Variants in EP400 observed in about 807,000 individuals in gnomAD.
EP400 encodes the protein E1A binding protein p400.
A neutral mutation model predicts 354.1 loss-of-function variants in EP400; 105 were observed. That is an observed-to-expected ratio of 0.30 (90% CI 0.25 to 0.35). EP400 has a LOEUF of 0.35. EP400 is among the 10% of genes least tolerant of loss of function. The pLI is 1.00. For synonymous variants in EP400, 1,646 were observed against 1,716.9 expected (o/e 0.96, Z 1.02); for missense variants, 3,280 against 4,121.0 (o/e 0.80, Z 5.59).
chr12:132,006,046 A>G (rs966667852), intron 13 of EP400, 66 bp from the exon 14 acceptor site: 6 of 1,480,610 alleles, frequency 4.1e-6, no homozygotes, highest in Non-Finnish European at 5.5e-6. Flanking sequence ...TCCTGTTTTA[A>G]AAAAAGGTTT....
chr12:132,005,995 C>T, intron 13 of EP400, 117 bp from the exon 14 acceptor site: 1 of 938,416 alleles, frequency 1.1e-6, no homozygotes, highest in South Asian at 1.9e-5. Flanking sequence ...AAAATTATTG[C>T]CTAATTCAGT....
intron 51 of EP400, among the ~76,000 whole-genome samples, chr12:132,072,703 G>A (rs1446347776): frequency 6.6e-6 from 1 of 152,164 alleles, no homozygotes; most frequent in Non-Finnish European, 1.5e-5. Context: ...GGTCTTCTGT[G>A]TGTCCTGCCA....
chr12:131,986,485 C>T, intron 5 of EP400, 29 bp from the exon 6 acceptor site: 1 of 1,559,004 alleles, frequency 6.4e-7, no homozygotes, highest in East Asian at 2.3e-5. Context: ...TTTTCTTCAC[C>T]TTGCTCCACT....
At chr12:132,037,575 C>T (rs1315081305) in intron 30 of EP400, 107 bp from the exon 31 acceptor site, 2 of 847,994 alleles carry the variant, frequency 2.4e-6, no homozygotes, top group African/African-American at 1.7e-5. Context: ...GCAGGGGTAG[C>T]TGGAGGAGGG....
In EP400 at chr12:132,027,814, C is replaced by T. The variant is rs1385053077; in HGVS notation, c.5110-203C>T. Among the ~76,000 whole-genome samples the T allele has an allele frequency of 6.6e-6, 1 of 152,172 alleles. No individual in the cohort carries two copies. The highest frequency in any genetic ancestry group is 2.4e-5 in the African/African-American group (1 of 41,434). On this transcript the variant is annotated intron_variant, in intron 26 of 52. Transcript: ENST00000389561. This position sits in a 1 kb window ranked among gnomAD's most constrained non-coding sequence, Gnocchi z 4.9. Reference sequence around the variant, plus strand: ...CTTCCCATCTTGGCAAAGAAGAGAACGCTTGTGCTCTCGGCTTCATTTCCA... The same window carrying T: ...CTTCCCATCTTGGCAAAGAAGAGAATGCTTGTGCTCTCGGCTTCATTTCCA...
intron 7 of EP400, 116 bp downstream of exon 7, chr12:131,988,006 T>TTTC (rs981802075): frequency 8.8e-6 from 8 of 911,422 alleles, no homozygotes; most frequent in Non-Finnish European, 1.2e-5. Context: ...TTTTTTTTTT[T>TTTC]TTCCCCCAGA....
rs149663682 is a variant in EP400, at chr12:131,960,991, G to T, written c.372G>T (p.Thr124=). 2.5e-6 allele frequency: 4 copies of T among 1,605,212 alleles called. No individual in the cohort carries two copies. In the South Asian group the frequency reaches 4.4e-5, roughly 18 times the overall value. Residue 124 remains threonine (T), a synonymous_variant, in exon 2 of 53, where the codon ACG becomes ACT. Coordinates refer to ENST00000389561, the MANE Select transcript of EP400 (RefSeq NM_015409.5). ...GGTCTCCATCATACATTCAGGTCAC[G>T]TCCCCCTTGTCCCAGCAGGTCCAGA... ...EHGSPSYIQV[T]SPLSQQVQTQ... is the part of the protein sequence containing the mutation.
chr12:132,039,808 G>A (rs1186791209), intron 32 of EP400, among the ~76,000 whole-genome samples: 1 of 152,260 alleles, frequency 6.6e-6, no homozygotes, highest in East Asian at 1.9e-4. Flanking sequence ...GGAAGCCGAG[G>A]CTGGAGGATG....
At chr12:131,975,866 A>T (rs1892455795) in intron 2 of EP400, among the ~76,000 whole-genome samples, 1 of 151,944 alleles carries the variant, frequency 6.6e-6, no homozygotes, top group Admixed American at 6.6e-5. Flanking sequence ...TCAATTTAAA[A>T]TTTTTTGTTT....
At chr12:132,041,404 C>T (rs1214971948) in intron 32 of EP400, among the ~76,000 whole-genome samples, 2 of 152,244 alleles carry the variant, frequency 1.3e-5, no homozygotes, top group African/African-American at 2.4e-5. Flanking sequence ...GAAGGCCTGT[C>T]CCCCAGCGGT....
In EP400 at chr12:132,050,248, A is replaced by G. The variant is rs1438418866; in HGVS notation, c.7201-75A>G. On this transcript the variant is annotated intron_variant, in intron 39 of 52. Transcript: ENST00000389561. The surrounding 1 kb of genome is among the most constrained non-coding windows in gnomAD (Gnocchi z 4.8). ...GGAGTTTAGCCTCAGATTCCCACCCAGTGAGCCCTGTGTCCCACGCAGCCG... is the reference window on the plus strand; with the variant it reads ...GGAGTTTAGCCTCAGATTCCCACCCGGTGAGCCCTGTGTCCCACGCAGCCG... The G allele has an allele frequency of 4.5e-6, 7 of 1,560,242 alleles. No homozygotes were observed. Among genetic ancestry groups the G allele is most frequent in the Non-Finnish European group, 6.1e-6 (7 of 1,146,192 alleles).
At chr12:132,024,739 G>A (rs1004857308) in intron 24 of EP400, among the ~76,000 whole-genome samples, 7 of 113,674 alleles carry the variant, frequency 6.2e-5, no homozygotes, top group Non-Finnish European at 1.1e-4. Context: ...CACCTTCCTC[G>A]ACAGCAGCCT....
chr12:132,026,306 G>A (rs982595415), intron 25 of EP400, among the ~76,000 whole-genome samples: 2 of 152,192 alleles, frequency 1.3e-5, no homozygotes, highest in African/African-American at 4.8e-5. Flanking sequence ...CCAGAGACCC[G>A]TGGAGGCAGG....
chr12:132,010,410 G>T (rs946069932), intron 15 of EP400, among the ~76,000 whole-genome samples: 3 of 152,024 alleles, frequency 2.0e-5, no homozygotes, highest in African/African-American at 7.2e-5. Context: ...AGAGTTTATT[G>T]TCCTGTTATA....
At chr12:132,020,702 T>C (rs1217077298) in intron 22 of EP400, among the ~76,000 whole-genome samples, 1 of 152,210 alleles carries the variant, frequency 6.6e-6, no homozygotes, top group East Asian at 1.9e-4. Flanking sequence ...AAATAAATGC[T>C]CAGACCTGCA....
intron 5 of EP400, among the ~76,000 whole-genome samples, chr12:131,983,875 C>T (rs1215125504): frequency 3.3e-5 from 5 of 151,690 alleles, no homozygotes; most frequent in Admixed American, 2.0e-4. Context: ...GATGGGATTT[C>T]GCCATGCTGC....
rs774921042 is a variant in EP400 at position 132,008,919 on chromosome 12, C to CTTTTT, written c.3304+2061_3304+2065dup. Among the ~76,000 whole-genome samples the CTTTTT allele has an allele frequency of 1.3e-4, 15 of 114,738 alleles. 2 individuals carry two copies. The highest frequency in any genetic ancestry group is 4.7e-4 in the African/African-American group (14 of 29,628). The allele number at this position is 114,738 out of a possible 152,430, so 75.3% of individuals were successfully genotyped here. Reference sequence around the variant, plus strand: ...ACAGGCGTGAGACACCGTGCCCAGCCTTTTTTTTTTTTTTTTTTTTTTTAG... The same window carrying CTTTTT: ...ACAGGCGTGAGACACCGTGCCCAGCCTTTTTTTTTTTTTTTTTTTTTTTTTTTTAG... On this transcript the variant is annotated intron_variant, in intron 15 of 52. Coordinates refer to ENST00000389561, the MANE Select transcript of EP400 (RefSeq NM_015409.5).
At chr12:132,016,207 C>T (rs1235581034) in intron 19 of EP400, among the ~76,000 whole-genome samples, 1 of 152,180 alleles carries the variant, frequency 6.6e-6, no homozygotes, top group Non-Finnish European at 1.5e-5. Context: ...TCTCTAGAGC[C>T]AGGCTCACAG....
intron 51 of EP400, among the ~76,000 whole-genome samples, chr12:132,074,858 C>T (rs1482374749): frequency 6.6e-6 from 1 of 152,162 alleles, no homozygotes; most frequent in Non-Finnish European, 1.5e-5. Flanking sequence ...TTCCAGGCCT[C>T]GCAGAGTGAG....
Sources: allele counts gnomAD v4.1 joint callset (sites outside exome capture counted in the v4.1 genomes callset), GRCh38; gene constraint gnomAD v4.1.1; non-coding constraint Gnocchi (gnomAD v3.1); transcripts MANE v1.5; gene names NCBI Gene and HGNC (gene_info 2026-07-23, HGNC 2026-07-21).